Variants in NNT observed in about 807,000 individuals in gnomAD.
The protein encoded by NNT is nicotinamide nucleotide transhydrogenase.
NNT carries 50 observed loss-of-function variants against 104.8 expected under a neutral mutation model. The ratio of observed to expected loss-of-function variants is 0.48; its 90% confidence interval spans 0.38 to 0.60. The LOEUF (loss-of-function observed/expected upper bound fraction) is 0.60. NNT is among the 20% of genes least tolerant of loss of function. The pLI, the probability that NNT is intolerant of heterozygous loss-of-function variation, is 0.00. For synonymous variants in NNT, 461 were observed against 490.4 expected, an observed-to-expected ratio of 0.94 and a Z score of 0.79; for missense variants, 1,131 against 1,330.7, an observed-to-expected ratio of 0.85 and a Z score of 2.33.
chr5:43,656,128 G>T (rs1740032576), intron 15 of NNT, 55 bp downstream of exon 15: 17 of 1,441,726 alleles, frequency 1.2e-5, no homozygotes, highest in Non-Finnish European at 1.7e-5. Flanking sequence ...GGCATTTAGG[G>T]ATCCATTTTA....
At chr5:43,687,833 A>G (rs1368537300) in intron 19 of NNT, among the ~76,000 whole-genome samples, 1 of 152,204 alleles carries the variant, frequency 6.6e-6, no homozygotes, top group Non-Finnish European at 1.5e-5. Flanking sequence ...GAGAACAAAT[A>G]TATTCAGAGG....
intron 7 of NNT, among the ~76,000 whole-genome samples, chr5:43,634,338 G>C (rs1184672165): frequency 6.6e-6 from 1 of 152,174 alleles, no homozygotes; most frequent in East Asian, 1.9e-4. Context: ...GTTGAAACCT[G>C]TGCTTTCGGG....
intron 17 of NNT, among the ~76,000 whole-genome samples, chr5:43,674,676 T>C (rs908285899): frequency 2.6e-5 from 4 of 151,544 alleles, no homozygotes; most frequent in African/African-American, 9.8e-5. Flanking sequence ...GAACAACTAG[T>C]TTTTTTTCCC....
In NNT at chr5:43,704,244, C is replaced by G; in HGVS notation, c.3112-11C>G. 6.5e-7 allele frequency: 1 copy of G among 1,539,680 alleles called. No individual in the cohort carries two copies. The highest frequency in any genetic ancestry group is 8.7e-7 in the Non-Finnish European group (1 of 1,149,530). The stretch of plus-strand genomic sequence containing the variant: ...TTAAATACACTCTCTCATTTAATCT[C>G]TGGTTCTCAGGTGATTGTTATGAAG... On this transcript the variant is annotated splice_polypyrimidine_tract_variant and intron_variant, in intron 21 of 21. Transcript: ENST00000344920.
intron 4 of NNT, among the ~76,000 whole-genome samples, chr5:43,618,563 G>A (rs1749907233): frequency 6.6e-6 from 1 of 152,176 alleles, no homozygotes; most frequent in African/African-American, 2.4e-5. Context: ...GGACTATATA[G>A]TAAAGTAAGT....
chr5:43,616,140 C>T, intron 4 of NNT, 75 bp downstream of exon 4: 5 of 1,151,338 alleles, frequency 4.3e-6, no homozygotes, highest in African/African-American at 1.5e-5. Context: ...GCTCTTCTGT[C>T]TTACAGTGAT....
At position 43,675,655 on chromosome 5, in the gene NNT, A is replaced by G. The variant is rs748928132; in HGVS notation, c.2779A>G (p.Ile927Val). The G allele has an allele frequency of 4.4e-6, 7 of 1,604,394 alleles. No individual in the cohort carries two copies. Among genetic ancestry groups the G allele is most frequent in the Non-Finnish European group, 6.0e-6 (7 of 1,176,094 alleles). The change falls in exon 18 of 22, where the codon ATT becomes GTT. Residue 927 changes from isoleucine to valine, a missense_variant. Physicochemically the swap from Ile to Val is conservative, Grantham distance 29. Transcript: ENST00000344920. ...TGACATGATTCGAGAAGCTAATAGC[A>G]TTATTATTACACCAGGTAAAGAAAA... ...AIDMIREANS[I>V]IITPGYGLCA...
chr5:43,665,566 T>A (rs966947355), intron 17 of NNT, among the ~76,000 whole-genome samples: 20 of 152,214 alleles, frequency 1.3e-4, no homozygotes, highest in African/African-American at 4.8e-4. Context: ...GTCATAGATT[T>A]ACAGCATCCC....
intron 7 of NNT, among the ~76,000 whole-genome samples, chr5:43,637,244 A>G (rs1750978060): frequency 6.6e-6 from 1 of 152,160 alleles, no homozygotes; most frequent in Non-Finnish European, 1.5e-5. Flanking sequence ...TCAGAGACTC[A>G]TTAGATAATG....
At position 43,694,738 on chromosome 5, in the gene NNT, TTGTGTGTGTGTGTGTGTG is replaced by T. The variant is rs61079918; in HGVS notation, c.2877-5355_2877-5338del. Among the ~76,000 whole-genome samples the T allele has an allele frequency of 3.6e-5, 5 of 137,910 alleles. 1 individual carries two copies. The highest frequency in any genetic ancestry group is 7.3e-5 in the Admixed American group (1 of 13,728). 90.5% of individuals were successfully genotyped at this position (137,910 alleles called of 152,430 possible). ...TTCATCAAGGATATTGGCCTAAAGT[TTGTGTGTGTGTGTGTGTG>T]TGTGTGTGTGTGTGTGTGTGTGTGT... On this transcript the variant is annotated intron_variant, in intron 19 of 21. Coordinates refer to ENST00000344920, the MANE Select transcript of NNT (RefSeq NM_182977.3).
chr5:43,607,061 T>A (rs1248945782), intron 1 of NNT, among the ~76,000 whole-genome samples: 3 of 151,538 alleles, frequency 2.0e-5, no homozygotes, highest in Non-Finnish European at 4.4e-5. Flanking sequence ...TGGAGTGTAG[T>A]GGCATGATCT....
At chr5:43,675,730 A>G in intron 18 of NNT, 60 bp downstream of exon 18, 1 of 1,224,080 alleles carries the variant, frequency 8.2e-7, no homozygotes, top group African/African-American at 1.6e-5. Flanking sequence ...ATGACATTAA[A>G]ATTTCTTATA....
chr5:43,624,386 C>T (rs1561271126), intron 6 of NNT, among the ~76,000 whole-genome samples: 1 of 152,138 alleles, frequency 6.6e-6, no homozygotes, highest in Non-Finnish European at 1.5e-5. Context: ...TGTTGCTTTA[C>T]CTATTTCTGT....
intron 14 of NNT, 62 bp from the exon 15 acceptor site, chr5:43,655,778 T>C: frequency 8.7e-7 from 1 of 1,149,798 alleles, no homozygotes; most frequent in Non-Finnish European, 1.3e-6. Flanking sequence ...AGGGTGATCT[T>C]TGTTGTGGTT....
intron 6 of NNT, among the ~76,000 whole-genome samples, chr5:43,627,693 G>A (rs548772046): frequency 7.2e-5 from 11 of 152,018 alleles, no homozygotes; most frequent in Admixed American, 1.3e-4. Flanking sequence ...CTATTTATAG[G>A]TTACTTTTTG....
At chr5:43,640,372 C>T (rs1049170858) in intron 7 of NNT, among the ~76,000 whole-genome samples, 3 of 152,098 alleles carry the variant, frequency 2.0e-5, no homozygotes, top group African/African-American at 2.4e-5. Flanking sequence ...CTGCCCTAAC[C>T]GCATAGCTTC....
At chr5:43,694,328 G>A (rs1274380801) in intron 19 of NNT, among the ~76,000 whole-genome samples, 1 of 152,160 alleles carries the variant, frequency 6.6e-6, no homozygotes, top group African/African-American at 2.4e-5. Flanking sequence ...GACTAGGAGT[G>A]GTGAGAAGAG....
intron 19 of NNT, among the ~76,000 whole-genome samples, chr5:43,694,663 G>A (rs1465739481): frequency 6.6e-6 from 1 of 151,922 alleles, no homozygotes; most frequent in African/African-American, 2.4e-5. Context: ...TTTTTGATGT[G>A]CTGCTGGATT....
At position 43,659,251 on chromosome 5, in the gene NNT, C is replaced by A. The variant is rs563835729; in HGVS notation, c.2535C>A (p.Ala845=). Reference sequence around the variant, plus strand: ...TGCTGAACAGCTACTCAGGCTGGGCCCTGTGTGCAGAGGGCTTCCTGCTCA... The same window carrying A: ...TGCTGAACAGCTACTCAGGCTGGGCACTGTGTGCAGAGGGCTTCCTGCTCA... The part of the protein sequence containing the change: ...ITVLNSYSGW[A]LCAEGFLLNN... The change falls in exon 17 of 22, where the codon GCC becomes GCA. Residue 845 remains alanine, a synonymous_variant. Coordinates refer to ENST00000344920, the MANE Select transcript of NNT (RefSeq NM_182977.3). 51 of 1,614,006 alleles carry A rather than the reference C, an allele frequency of 3.2e-5. 1 individual carries two copies. In the South Asian group the frequency reaches 5.3e-4, roughly 17 times the overall value.
Sources: gnomAD v4.1 joint callset for allele counts (sites outside exome capture counted in the v4.1 genomes callset) on GRCh38, gnomAD v4.1.1 for gene constraint, MANE v1.5 for transcripts, NCBI Gene and HGNC (gene_info 2026-07-23, HGNC 2026-07-21) for gene names.